ZFPM2: variants seen among roughly 807,000 people sequenced by gnomAD.
The protein encoded by ZFPM2 is zinc finger protein ZFPM2.
Under a neutral mutation model 98.6 loss-of-function variants are expected in ZFPM2, and 20 were observed. The observed-to-expected ratio is 0.20, with a 90% CI of 0.14 to 0.29. The LOEUF is 0.29. Ranked by LOEUF, ZFPM2 falls within the 10% of genes least tolerant of loss-of-function variation. ZFPM2 has a pLI of 1.00. For missense variants in ZFPM2, 1,310 were observed against 1,388.6 expected (o/e 0.94, Z 0.90); for synonymous variants, 518 against 502.7 (o/e 1.03, Z -0.41).
intron 5 of ZFPM2, among the ~76,000 whole-genome samples, chr8:105,642,203 G>GA (rs1008659928): frequency 6.6e-5 from 10 of 151,872 alleles, no homozygotes; most frequent in African/African-American, 2.2e-4. Context: ...GTATTATGTA[G>GA]AAAAAATTAT....
At chr8:105,769,876 C>T (rs1228937469) in intron 5 of ZFPM2, among the ~76,000 whole-genome samples, 1 of 151,706 alleles carries the variant, frequency 6.6e-6, no homozygotes, top group Non-Finnish European at 1.5e-5. Context: ...CCTTTATGTA[C>T]GAAGGGAAAA....
intron 3 of ZFPM2, among the ~76,000 whole-genome samples, chr8:105,493,830 A>AT (rs1220033025): frequency 6.6e-6 from 1 of 151,570 alleles, no homozygotes; most frequent in East Asian, 2.0e-4. Flanking sequence ...GTATCCTCCT[A>AT]TTTTTTCCTC....
In ZFPM2 at chr8:105,803,249, C is replaced by A. The variant is rs1814096815; in HGVS notation, c.3167C>A (p.Ala1056Asp). Residue 1056 changes from alanine (A) to aspartate (D), a missense_variant, in exon 8 of 8, where the codon GCC (alanine) becomes GAC (aspartate). By Grantham distance (126) the Ala-to-Asp change is moderately radical. Coordinates refer to ENST00000407775, the MANE Select transcript of ZFPM2 (RefSeq NM_012082.4). Reference protein sequence around the residue: ...GGLKQDERPAANPQQENISQN... With the variant: ...GGLKQDERPADNPQQENISQN... The stretch of plus-strand genomic sequence containing the variant: ...CTGAAACAAGATGAGAGACCTGCTG[C>A]CAACCCACAGCAAGAGAACATTTCC... 6.2e-7 allele frequency: 1 copy of A among 1,604,202 alleles called. No homozygotes were observed. Among genetic ancestry groups the A allele is most frequent in the African/African-American group, 1.3e-5 (1 of 74,622 alleles).
intron 1 of ZFPM2, among the ~76,000 whole-genome samples, chr8:105,380,892 A>AT: frequency 1.5e-5 from 1 of 68,240 alleles, no homozygotes; most frequent in Non-Finnish European, 2.8e-5. Flanking sequence ...ATATTATAAT[A>AT]TATATAATAT....
chr8:105,427,759 A>G (rs1388332270), intron 2 of ZFPM2, among the ~76,000 whole-genome samples: 3 of 152,250 alleles, frequency 2.0e-5, no homozygotes. Context: ...ATAACTGAAT[A>G]TGTTGCACCA....
rs145921807 is a variant in ZFPM2, at chr8:105,408,916, T to TA, written c.41-10227dup. ...AAGACATGTCATTTTGTTAGCCACG[T>TA]ATGTGGGTTAACAATGAAGGCTGGC... On this transcript the variant is annotated intron_variant, in intron 1 of 7. Transcript: ENST00000407775. 5.8e-3 allele frequency among the ~76,000 whole-genome samples: 876 copies of TA among 152,034 alleles called. 4 individuals are homozygous for TA. The highest frequency in any genetic ancestry group is 0.02 in the African/African-American group (822 of 41,512).
intron 4 of ZFPM2, among the ~76,000 whole-genome samples, chr8:105,578,616 G>A (rs1002865348): frequency 2.6e-5 from 4 of 151,992 alleles, no homozygotes; most frequent in Admixed American, 2.0e-4. Context: ...AATTTACCTA[G>A]TGAACCTAAC....
chr8:105,605,963 A>G (rs1344107346), intron 4 of ZFPM2, among the ~76,000 whole-genome samples: 1 of 152,040 alleles, frequency 6.6e-6, no homozygotes, highest in Non-Finnish European at 1.5e-5. Flanking sequence ...TCTGCAGCAA[A>G]GTTTGTCATT....
intron 1 of ZFPM2, among the ~76,000 whole-genome samples, chr8:105,338,852 A>G (rs1220363733): frequency 1.3e-5 from 2 of 151,908 alleles, no homozygotes; most frequent in African/African-American, 4.8e-5. Context: ...GAAAAAAAGA[A>G]GAATGCAAAT....
chr8:105,649,221 A>T (rs201266877), intron 5 of ZFPM2, among the ~76,000 whole-genome samples: 2 of 152,116 alleles, frequency 1.3e-5, no homozygotes, highest in South Asian at 4.2e-4. Flanking sequence ...TTTTTGCACA[A>T]TGATTTTTGT....
At chr8:105,555,313 G>C (rs1343459590) in intron 3 of ZFPM2, among the ~76,000 whole-genome samples, 2 of 152,044 alleles carry the variant, frequency 1.3e-5, no homozygotes, top group Non-Finnish European at 2.9e-5. Flanking sequence ...ACTGGGCAGA[G>C]AAGAACATTT....
chr8:105,668,316 T>C (rs1801679111), intron 5 of ZFPM2, among the ~76,000 whole-genome samples: 2 of 152,190 alleles, frequency 1.3e-5, no homozygotes, highest in African/African-American at 4.8e-5. Flanking sequence ...GAAAGTGAAA[T>C]GTCAATTAAG....
At position 105,385,407 on chromosome 8, in the gene ZFPM2, A is replaced by G. The variant is rs556435296; in HGVS notation, c.41-33737A>G. On this transcript the variant is annotated intron_variant, in intron 1 of 7. Transcript: ENST00000407775. ...ATTTTGTAGAAAAATCAACTATTTCATCTCATTTCTCTGTTTTCATTGGCT... is the reference window on the plus strand; with the variant it reads ...ATTTTGTAGAAAAATCAACTATTTCGTCTCATTTCTCTGTTTTCATTGGCT... 3.3e-5 allele frequency among the ~76,000 whole-genome samples: 5 copies of G among 152,148 alleles called. No individual in the cohort carries two copies. In the East Asian group the frequency reaches 5.8e-4, roughly 18 times the overall value.
At chr8:105,476,385 A>G (rs2130367858) in intron 3 of ZFPM2, among the ~76,000 whole-genome samples, 1 of 152,298 alleles carries the variant, frequency 6.6e-6, no homozygotes, top group African/African-American at 2.4e-5. Context: ...TAAGGAATCT[A>G]GGTTGCACGC....
chr8:105,539,002 G>T (rs1219678150), intron 3 of ZFPM2, among the ~76,000 whole-genome samples: 1 of 152,132 alleles, frequency 6.6e-6, no homozygotes, highest in Non-Finnish European at 1.5e-5. Context: ...CTAGGCAATA[G>T]AGCAAGACCC....
chr8:105,770,018 C>T (rs1273096544), intron 5 of ZFPM2, among the ~76,000 whole-genome samples: 1 of 152,002 alleles, frequency 6.6e-6, no homozygotes, highest in Non-Finnish European at 1.5e-5. Context: ...ATTCCACCTT[C>T]ATTTTTTGTT....
intron 6 of ZFPM2, among the ~76,000 whole-genome samples, chr8:105,792,785 T>A (rs1349343633): frequency 3.9e-5 from 6 of 152,196 alleles, no homozygotes; most frequent in Non-Finnish European, 8.8e-5. Flanking sequence ...TGGGTGCATA[T>A]ATATTTAGGA....
intron 1 of ZFPM2, among the ~76,000 whole-genome samples, chr8:105,374,770 T>C (rs923029093): frequency 6.6e-6 from 1 of 152,150 alleles, no homozygotes; most frequent in African/African-American, 2.4e-5. Context: ...AGCAGGGACA[T>C]GATGTGGGAA....
At chr8:105,525,536 A>G (rs1295013929) in intron 3 of ZFPM2, among the ~76,000 whole-genome samples, 3 of 152,194 alleles carry the variant, frequency 2.0e-5, no homozygotes, top group Admixed American at 1.3e-4. Context: ...CCATGTGTAA[A>G]AACCAGACTG....
Sources: allele counts gnomAD v4.1 joint callset (sites outside exome capture counted in the v4.1 genomes callset), GRCh38; gene constraint gnomAD v4.1.1; transcripts MANE v1.5; gene names NCBI Gene and HGNC (gene_info 2026-07-23, HGNC 2026-07-21).